Variants in EYS observed in about 807,000 individuals in gnomAD.
EYS encodes protein eyes shut homolog.
Under a neutral mutation model 282.1 loss-of-function variants are expected in EYS, and 250 were observed. The ratio of observed to expected loss-of-function variants is 0.89; its 90% confidence interval spans 0.80 to 0.98. The LOEUF is 0.98. Among genes scored for constraint, EYS ranks in the 50% least tolerant of loss-of-function variants. The pLI, the probability that EYS is intolerant of heterozygous loss-of-function variation, is 0.00. For missense variants in EYS, 4,016 were observed against 3,709.0 expected (o/e 1.08, Z -2.15); for synonymous variants, 1,355 against 1,282.9 (o/e 1.06, Z -1.20).
At chr6:65,441,410 A>C (rs1222513635) in intron 5 of EYS, among the ~76,000 whole-genome samples, 3 of 151,796 alleles carry the variant, frequency 2.0e-5, no homozygotes. Context: ...ATTTTCTAAA[A>C]CTCTTATTTG....
chr6:64,933,077 C>T (rs888136116), intron 15 of EYS, among the ~76,000 whole-genome samples: 9 of 151,746 alleles, frequency 5.9e-5, no homozygotes, highest in African/African-American at 2.2e-4. Context: ...TGAGGACACC[C>T]GAATATTGGA....
intron 40 of EYS, among the ~76,000 whole-genome samples, chr6:63,774,281 G>T (rs1201617346): frequency 6.6e-6 from 1 of 151,726 alleles, no homozygotes; most frequent in African/African-American, 2.4e-5. Flanking sequence ...CGATTCTCCT[G>T]CCTCAGCCTC....
intron 12 of EYS, among the ~76,000 whole-genome samples, chr6:65,129,122 G>C (rs1321591182): frequency 6.6e-6 from 1 of 151,958 alleles, no homozygotes; most frequent in African/African-American, 2.4e-5. Context: ...ATGCAGAAGA[G>C]TGAAGTTGGA....
intron 5 of EYS, among the ~76,000 whole-genome samples, chr6:65,443,342 A>G (rs1011005696): frequency 1.7e-5 from 2 of 117,202 alleles, no homozygotes; most frequent in African/African-American, 5.1e-5. Context: ...ATGTATGTAC[A>G]CATATAGACA....
intron 12 of EYS, among the ~76,000 whole-genome samples, chr6:65,182,400 T>C (rs1486665390): frequency 6.6e-6 from 1 of 151,602 alleles, no homozygotes; most frequent in Non-Finnish European, 1.5e-5. Flanking sequence ...TTTTTTTAAT[T>C]CTGTGCCCAT....
chr6:64,568,211 A>C (rs1474226246), intron 26 of EYS, among the ~76,000 whole-genome samples: 2 of 152,182 alleles, frequency 1.3e-5, no homozygotes, highest in Admixed American at 1.3e-4. Flanking sequence ...CCAGAAAAGA[A>C]CAGACCCAAC....
chr6:64,911,880 T>G (rs554552971), intron 16 of EYS, among the ~76,000 whole-genome samples: 1 of 152,256 alleles, frequency 6.6e-6, no homozygotes, highest in Admixed American at 6.5e-5. Context: ...TTTAATGATA[T>G]AAGCAGAGTT....
intron 41 of EYS, among the ~76,000 whole-genome samples, chr6:63,727,979 C>A (rs968026607): frequency 3.3e-5 from 5 of 150,348 alleles, no homozygotes; most frequent in African/African-American, 7.3e-5. Flanking sequence ...TTTTAATAAA[C>A]CCTCCTGGTG....
At chr6:63,770,328 T>A (rs974880138) in intron 40 of EYS, among the ~76,000 whole-genome samples, 10 of 152,084 alleles carry the variant, frequency 6.6e-5, no homozygotes, top group Non-Finnish European at 1.0e-4. Flanking sequence ...GAGATTCTTA[T>A]GTATATGTTG....
chr6:65,493,831 C>T (rs1300998521), intron 4 of EYS, among the ~76,000 whole-genome samples: 2 of 152,130 alleles, frequency 1.3e-5, no homozygotes, highest in Non-Finnish European at 1.5e-5. Context: ...TATAAATCAC[C>T]ATTTGGATGC....
At chr6:65,219,909 A>G (rs1766416369) in intron 12 of EYS, among the ~76,000 whole-genome samples, 1 of 152,134 alleles carries the variant, frequency 6.6e-6, no homozygotes, top group Non-Finnish European at 1.5e-5. Flanking sequence ...CAGTATGGGG[A>G]AAACTGCCCC....
At chr6:63,799,148 G>A (rs1191269545) in intron 37 of EYS, among the ~76,000 whole-genome samples, 4 of 150,734 alleles carry the variant, frequency 2.7e-5, no homozygotes, top group Non-Finnish European at 5.9e-5. Flanking sequence ...TGAGTAGCTG[G>A]GATTACAGGT....
At chr6:65,485,752 C>G (rs149131773) in intron 5 of EYS, among the ~76,000 whole-genome samples, 1 of 152,028 alleles carries the variant, frequency 6.6e-6, no homozygotes, top group Admixed American at 6.6e-5. Context: ...TTGCAGTGAG[C>G]CGAGATTCAC....
At chr6:65,619,227 A>C (rs1396330991) in intron 2 of EYS, among the ~76,000 whole-genome samples, 4 of 151,130 alleles carry the variant, frequency 2.6e-5, no homozygotes, top group Non-Finnish European at 4.4e-5. Context: ...CTTTTATTTC[A>C]TTGAGCAGTG....
chr6:64,950,540 C>G (rs912573483), intron 14 of EYS, among the ~76,000 whole-genome samples: 1 of 150,304 alleles, frequency 6.7e-6, no homozygotes, highest in Non-Finnish European at 1.5e-5. Flanking sequence ...TGGAAATATG[C>G]CAGAAATGGA....
chr6:64,639,768 G>A lies in EYS; in HGVS notation c.3444-13523C>T, dbSNP rs1582984846. Among the ~76,000 whole-genome samples the A allele has an allele frequency of 2.2e-5, 2 of 91,298 alleles. 1 individual carries two copies. Among genetic ancestry groups the A allele is most frequent in the Non-Finnish European group, 4.7e-5 (2 of 42,368 alleles). 59.9% of individuals were successfully genotyped at this position (91,298 alleles called of 152,430 possible). ...CACAGGAAAGGAAACTACCATCAGA[G>A]TGAACAGGCAACCTACAGAATGGGA... On this transcript the variant is annotated intron_variant, in intron 22 of 42. Transcript: ENST00000503581.
chr6:65,223,754 CA>C (rs1168134317), intron 12 of EYS, among the ~76,000 whole-genome samples: 30 of 152,204 alleles, frequency 2.0e-4, no homozygotes, highest in African/African-American at 7.0e-4. Flanking sequence ...AAGTAGCAGA[CA>C]GATGAAAAAG....
intron 5 of EYS, among the ~76,000 whole-genome samples, chr6:65,460,008 A>ATATATATATAT (rs1764769574): frequency 2.3e-5 from 2 of 85,826 alleles, no homozygotes; most frequent in Non-Finnish European, 2.4e-5. Flanking sequence ...ATATATATAT[A>ATATATATATAT]ATTTTATTGT....
intron 42 of EYS, among the ~76,000 whole-genome samples, chr6:63,725,137 C>T (rs1027021336): frequency 1.3e-5 from 2 of 151,968 alleles, no homozygotes; most frequent in Non-Finnish European, 2.9e-5. Context: ...TCATGATTTT[C>T]TTATATAAGT....
Sources: gnomAD v4.1 joint callset for allele counts (sites outside exome capture counted in the v4.1 genomes callset) on GRCh38, gnomAD v4.1.1 for gene constraint, MANE v1.5 for transcripts, NCBI Gene and HGNC (gene_info 2026-07-23, HGNC 2026-07-21) for gene names.